Variants in BST1 observed in about 807,000 individuals in gnomAD.
The protein encoded by BST1 is ADP-ribosyl cyclase/cyclic ADP-ribose hydrolase 2.
BST1 carries 49 observed loss-of-function variants against 40.6 expected under a neutral mutation model. The observed-to-expected ratio is 1.21, with a 90% CI of 0.96 to 1.53. The LOEUF (loss-of-function observed/expected upper bound fraction) is 1.53. BST1 is among the 40% of genes most tolerant of loss of function. BST1 has a pLI of 0.00. For synonymous variants in BST1, 157 were observed against 159.3 expected, an observed-to-expected ratio of 0.99 and a Z score of 0.11; for missense variants, 423 against 395.9, an observed-to-expected ratio of 1.07 and a Z score of -0.58.
chr4:15,763,200 A>G, the BST1 span, among the ~76,000 whole-genome samples: 1 of 151,944 alleles, frequency 6.6e-6, no homozygotes, highest in Non-Finnish European at 1.5e-5. Flanking sequence ...TAGCTTTAGA[A>G]TATGTTTTAA....
At chr4:15,722,788 A>G in intron 7 of BST1, 87 bp from the exon 8 acceptor site, 1 of 1,107,802 alleles carries the variant, frequency 9.0e-7, no homozygotes, top group Non-Finnish European at 1.4e-6. Flanking sequence ...AGACTACTGT[A>G]TCTCCAGGAC....
chr4:15,705,470 A>G (rs1184366745), intron 1 of BST1, 45 bp from the exon 2 acceptor site: 12 of 1,526,146 alleles, frequency 7.9e-6, no homozygotes, highest in Non-Finnish European at 1.1e-5. Flanking sequence ...ACAACACATT[A>G]TGATGTGCAT....
chr4:15,761,291 T>G, the BST1 span, among the ~76,000 whole-genome samples: 2 of 151,946 alleles, frequency 1.3e-5, no homozygotes, highest in African/African-American at 4.9e-5. Flanking sequence ...TTGTTAAAAA[T>G]GGAGTTTTAA....
At chr4:15,703,900 G>A (rs1047227864) in intron 1 of BST1, among the ~76,000 whole-genome samples, 38 of 140,408 alleles carry the variant, frequency 2.7e-4, no homozygotes, top group African/African-American at 8.2e-4. Context: ...GTGTGTGTGC[G>A]TGCGCTCTAG....
chr4:15,739,121 A>G (rs776743178), downstream of BST1, among the ~76,000 whole-genome samples: 3 of 152,230 alleles, frequency 2.0e-5, no homozygotes, highest in Non-Finnish European at 4.4e-5. Flanking sequence ...CCCATGCTGG[A>G]GAACAGGGCA....
At chr4:15,714,584 T>C (rs1385328846) in intron 4 of BST1, among the ~76,000 whole-genome samples, 1 of 152,198 alleles carries the variant, frequency 6.6e-6, no homozygotes, top group African/African-American at 2.4e-5. Context: ...TACCATTCCC[T>C]TGTTGTTGAG....
At chr4:15,774,094 C>T in the BST1 span, among the ~76,000 whole-genome samples, 4 of 152,124 alleles carry the variant, frequency 2.6e-5, no homozygotes, top group African/African-American at 9.7e-5. Context: ...GACTGGTGTT[C>T]TTATAAAAAC....
chr4:15,710,781 T>G lies in BST1; in HGVS notation c.452-1026T>G, dbSNP rs184999957. Among the ~76,000 whole-genome samples the G allele has an allele frequency of 6.6e-4, 100 of 152,252 alleles. 1 individual carries two copies. The South Asian group carries it at 8.5e-3, about 13-fold the overall frequency. ...TCAATAGTATTGCATTATGCATACA[T>G]GCCATATTTTCTTTCTTTTTTTTTT... On this transcript the variant is annotated intron_variant, in intron 3 of 8. Coordinates refer to ENST00000265016, the MANE Select transcript of BST1 (RefSeq NM_004334.3).
chr4:15,736,248 C>T, downstream of BST1: 2 of 616,770 alleles, frequency 3.2e-6, no homozygotes, highest in South Asian at 3.7e-5. Flanking sequence ...ACGCTAGGGT[C>T]CTGAGTGCAT....
intron 5 of BST1, among the ~76,000 whole-genome samples, 163 bp downstream of exon 5, chr4:15,715,524 T>A (rs989701445): frequency 6.6e-6 from 1 of 152,198 alleles, no homozygotes; most frequent in Admixed American, 6.5e-5. Flanking sequence ...CAGAGCCATG[T>A]CTATAGAGTT....
chr4:15,741,299 C>G (rs763664623), downstream of BST1, among the ~76,000 whole-genome samples: 18 of 152,058 alleles, frequency 1.2e-4, no homozygotes, highest in Non-Finnish European at 1.6e-4. Flanking sequence ...GTAGAGTAAC[C>G]TTGTCCAGGA....
downstream of BST1, among the ~76,000 whole-genome samples, chr4:15,741,898 T>C (rs966335088): frequency 6.6e-6 from 1 of 152,230 alleles, no homozygotes; most frequent in Non-Finnish European, 1.5e-5. Flanking sequence ...GTAGTCCCTG[T>C]CCCAGTTGCT....
At chr4:15,731,602 G>A (rs1478512633) in intron 8 of BST1, 138 bp from the exon 9 acceptor site, 1 of 1,209,630 alleles carries the variant, frequency 8.3e-7, no homozygotes, top group Non-Finnish European at 1.2e-6. Context: ...CTCCTACGGG[G>A]TGTCACGGGA....
At chr4:15,768,907 T>A in the BST1 span, among the ~76,000 whole-genome samples, 3 of 152,172 alleles carry the variant, frequency 2.0e-5, no homozygotes, top group Non-Finnish European at 4.4e-5. Flanking sequence ...AAGTTCCCAC[T>A]ATGGGGCATA....
chr4:15,772,204 G>T, the BST1 span, among the ~76,000 whole-genome samples: 1 of 152,172 alleles, frequency 6.6e-6, no homozygotes, highest in Non-Finnish European at 1.5e-5. Context: ...GCAGGACTCA[G>T]ATGTTTCATT....
intron 3 of BST1, among the ~76,000 whole-genome samples, chr4:15,710,237 G>T (rs1477074469): frequency 6.6e-6 from 1 of 151,820 alleles, no homozygotes; most frequent in Non-Finnish European, 1.5e-5. Flanking sequence ...GCCTCCCAAA[G>T]CACTGGCATT....
At chr4:15,728,068 T>C (rs1367856332) in intron 8 of BST1, among the ~76,000 whole-genome samples, 1 of 151,920 alleles carries the variant, frequency 6.6e-6, no homozygotes, top group Non-Finnish European at 1.5e-5. Flanking sequence ...TTGGTGATGA[T>C]ATGAGAAAAC....
rs1719945472 is a variant in BST1, at chr4:15,707,536, T to G, written c.341T>G (p.Leu114Arg). ...TCCCTGTTCTGGGAAAATAGCCACC[T>G]CCTTGTTAACAGCTTTGCAGACAAC... ...DKSLFWENSH[L>R]LVNSFADNTR... The change falls in exon 3 of 9, where the codon CTC (leucine) becomes CGC (arginine). Residue 114 changes from leucine (L) to arginine (R), a missense_variant. Leu to Arg is a moderately radical substitution (Grantham distance 102). Transcript: ENST00000265016. 3 of 1,612,010 alleles carry G rather than the reference T, an allele frequency of 1.9e-6. No individual in the cohort carries two copies. The East Asian group carries it at 6.7e-5, about 36-fold the overall frequency.
the BST1 span, among the ~76,000 whole-genome samples, chr4:15,751,948 G>A: frequency 3.4e-4 from 51 of 152,184 alleles, no homozygotes; most frequent in Middle Eastern, 6.8e-3. Flanking sequence ...AACGTGGCTC[G>A]TATAAGACTA....
Sources: allele counts gnomAD v4.1 joint callset (sites outside exome capture counted in the v4.1 genomes callset), GRCh38; gene constraint gnomAD v4.1.1; transcripts MANE v1.5; gene names NCBI Gene and HGNC (gene_info 2026-07-23, HGNC 2026-07-21).